The following ANO2 variants were observed in gnomAD, a reference collection of about 807,000 sequenced individuals.
ANO2 encodes anoctamin 2.
A neutral mutation model predicts 124.2 loss-of-function variants in ANO2; 101 were observed. That is an observed-to-expected ratio of 0.81 (90% CI 0.69 to 0.96). ANO2 has a LOEUF of 0.96. Ranked by LOEUF, ANO2 falls within the 40% of genes least tolerant of loss-of-function variation. The pLI is 0.00. For synonymous variants in ANO2, 486 were observed against 482.5 expected, an observed-to-expected ratio of 1.01 and a Z score of -0.09; for missense variants, 1,293 against 1,274.5, an observed-to-expected ratio of 1.01 and a Z score of -0.22.
At chr12:5,645,193 C>T (rs1458968218) in intron 15 of ANO2, among the ~76,000 whole-genome samples, 1 of 152,154 alleles carries the variant, frequency 6.6e-6, no homozygotes, top group Admixed American at 6.5e-5. Context: ...TTTTTTATCG[C>T]TATGCTGTAT....
chr12:5,753,967 G>GA (rs924922782), intron 10 of ANO2, among the ~76,000 whole-genome samples: 11 of 151,846 alleles, frequency 7.2e-5, no homozygotes, highest in Admixed American at 2.6e-4. Context: ...CCAGATCTTA[G>GA]AAAAAAAACT....
chr12:5,901,210 C>G (rs1444733581), intron 3 of ANO2, among the ~76,000 whole-genome samples: 1 of 152,148 alleles, frequency 6.6e-6, no homozygotes, highest in Non-Finnish European at 1.5e-5. Flanking sequence ...GATAAATAAT[C>G]AGAAACACAA....
chr12:5,682,683 G>A (rs549147595), intron 14 of ANO2, among the ~76,000 whole-genome samples: 3 of 152,276 alleles, frequency 2.0e-5, no homozygotes, highest in Non-Finnish European at 4.4e-5. Context: ...TCAGAAACAA[G>A]TGACAGAGAA....
At chr12:5,814,973 G>A (rs1953556889) in intron 7 of ANO2, among the ~76,000 whole-genome samples, 1 of 152,194 alleles carries the variant, frequency 6.6e-6, no homozygotes, top group African/African-American at 2.4e-5. Flanking sequence ...GATCAAATGA[G>A]ATAATGAGCG....
chr12:5,743,472 C>CGT (rs112084814), intron 12 of ANO2, among the ~76,000 whole-genome samples: 23,746 of 148,810 alleles, frequency 0.16, 1,841 homozygotes, highest in South Asian at 0.24. Context: ...TGAGAATAGG[C>CGT]GTGTGTGTGT....
intron 14 of ANO2, among the ~76,000 whole-genome samples, chr12:5,725,101 A>T (rs910301270): frequency 8.9e-5 from 5 of 56,430 alleles, no homozygotes; most frequent in African/African-American, 2.1e-4. Context: ...TCCCTCTCAC[A>T]CACACACACA....
intron 14 of ANO2, among the ~76,000 whole-genome samples, chr12:5,713,213 A>G (rs1260130064): frequency 6.6e-6 from 1 of 152,144 alleles, no homozygotes; most frequent in African/African-American, 2.4e-5. Context: ...CAACCCTGCC[A>G]TGGTGCTCGT....
At chr12:5,942,700 C>A (rs190101120) in intron 1 of ANO2, among the ~76,000 whole-genome samples, 1 of 152,362 alleles carries the variant, frequency 6.6e-6, no homozygotes, top group East Asian at 1.9e-4. Flanking sequence ...CTAGACAATC[C>A]TCCAGATATC....
chr12:5,793,564 G>C (rs780030318), intron 10 of ANO2, among the ~76,000 whole-genome samples: 1 of 152,220 alleles, frequency 6.6e-6, no homozygotes, highest in African/African-American at 2.4e-5. Context: ...AGGAGGCAAT[G>C]AGCTGATGCC....
chr12:5,808,477 C>T (rs549066202), intron 7 of ANO2, among the ~76,000 whole-genome samples: 1 of 152,036 alleles, frequency 6.6e-6, no homozygotes, highest in Non-Finnish European at 1.5e-5. Flanking sequence ...CTCACCAACT[C>T]GTAGTACCAA....
At chr12:5,609,882 T>TAC (rs1944400412) in intron 19 of ANO2, among the ~76,000 whole-genome samples, 2 of 148,266 alleles carry the variant, frequency 1.3e-5, no homozygotes, top group Non-Finnish European at 3.0e-5. Context: ...TATATATATA[T>TAC]ATGTTTTATA....
intron 10 of ANO2, among the ~76,000 whole-genome samples, chr12:5,752,540 A>C (rs1465641057): frequency 6.6e-6 from 1 of 151,996 alleles, no homozygotes; most frequent in Non-Finnish European, 1.5e-5. Context: ...CCTTTACTTA[A>C]TTTTTTTATC....
At chr12:5,822,750 G>T (rs114676665) in intron 7 of ANO2, among the ~76,000 whole-genome samples, 2,495 of 152,274 alleles carry the variant, frequency 0.016, 63 homozygotes, top group African/African-American at 0.057. Context: ...TGTACGCAAT[G>T]CTTCTGCCAA....
chr12:5,569,526 C>A (rs904267702), intron 23 of ANO2, among the ~76,000 whole-genome samples: 2 of 152,150 alleles, frequency 1.3e-5, no homozygotes, highest in Non-Finnish European at 2.9e-5. Context: ...AATAATGAGA[C>A]AACTAGCCTG....
chr12:5,736,843 G>A (rs1950887014), intron 13 of ANO2, among the ~76,000 whole-genome samples: 1 of 152,126 alleles, frequency 6.6e-6, no homozygotes, highest in Non-Finnish European at 1.5e-5. Context: ...GGCTGCTGCT[G>A]TTTCTTTCTC....
At chr12:5,810,731 T>A (rs549061951) in intron 7 of ANO2, among the ~76,000 whole-genome samples, 1 of 152,230 alleles carries the variant, frequency 6.6e-6, no homozygotes, top group South Asian at 2.1e-4. Flanking sequence ...CGTGCCCATG[T>A]CTCCTTCAAA....
chr12:5,738,218 T>C (rs1218470413), intron 13 of ANO2, among the ~76,000 whole-genome samples: 2 of 152,132 alleles, frequency 1.3e-5, no homozygotes, highest in South Asian at 2.1e-4. Flanking sequence ...GGAGAAGAAA[T>C]GGTGACATGC....
chr12:5,860,039 T>A (rs559755422), intron 3 of ANO2, among the ~76,000 whole-genome samples: 12 of 152,274 alleles, frequency 7.9e-5, no homozygotes, highest in Non-Finnish European at 1.3e-4. Flanking sequence ...AATTTGCACA[T>A]GGTCTAAGGT....
Position 5,658,963 on chromosome 12 carries a change from C to A in ANO2, c.1546-11162G>T, listed in dbSNP as rs1247644716. 6.6e-6 allele frequency among the ~76,000 whole-genome samples: 1 copy of A among 152,190 alleles called. No homozygotes were observed. The highest frequency in any genetic ancestry group is 1.5e-5 in the Non-Finnish European group (1 of 68,038). On this transcript the variant is annotated intron_variant, in intron 14 of 24. Transcript: ENST00000682330. This position sits in a 1 kb window ranked among gnomAD's most constrained non-coding sequence, Gnocchi z 4.3. ...TCCACCAGGGACCCTGTGGCCCCAA[C>A]TGATAAGGAAACCCAGTTAATTATG...
Sources: gnomAD v4.1 joint callset for allele counts (sites outside exome capture counted in the v4.1 genomes callset) on GRCh38, gnomAD v4.1.1 for gene constraint, Gnocchi (gnomAD v3.1) non-coding constraint, MANE v1.5 for transcripts, NCBI Gene and HGNC (gene_info 2026-07-23, HGNC 2026-07-21) for gene names.